SNX29: variants seen among roughly 807,000 people sequenced by gnomAD.
SNX29 encodes the protein sorting nexin-29.
A neutral mutation model predicts 102.1 loss-of-function variants in SNX29; 78 were observed. The ratio of observed to expected loss-of-function variants is 0.76; its 90% confidence interval spans 0.64 to 0.92. SNX29 has a LOEUF of 0.92. Ranked by LOEUF, SNX29 falls within the 40% of genes least tolerant of loss-of-function variation. The pLI is 0.00. For missense variants in SNX29, 1,280 were observed against 1,061.7 expected (o/e 1.21, Z -2.86); for synonymous variants, 580 against 414.5 (o/e 1.40, Z -4.85).
intron 11 of SNX29, among the ~76,000 whole-genome samples, chr16:12,095,938 C>T (rs1434306243): frequency 1.3e-5 from 2 of 152,348 alleles, no homozygotes; most frequent in East Asian, 3.9e-4. Flanking sequence ...TCTGGCTCAT[C>T]GCCTAGCAAC....
chr16:12,296,612 A>G (rs1316279960), intron 15 of SNX29, among the ~76,000 whole-genome samples: 12 of 152,232 alleles, frequency 7.9e-5, no homozygotes, highest in Non-Finnish European at 8.8e-5. Context: ...TTTATTTACC[A>G]AAACAGGCAG....
intron 14 of SNX29, among the ~76,000 whole-genome samples, chr16:12,277,354 A>AG (rs2079283998): frequency 6.6e-6 from 1 of 152,040 alleles, no homozygotes; most frequent in Admixed American, 6.6e-5. Context: ...GAGCTAAATG[A>AG]TTGATTGTGC....
At chr16:12,396,099 G>A (rs977658889) in intron 16 of SNX29, among the ~76,000 whole-genome samples, 1 of 152,176 alleles carries the variant, frequency 6.6e-6, no homozygotes, top group East Asian at 1.9e-4. Context: ...CTCTAAGTCA[G>A]AAGGATTGAA....
Position 12,481,688 on chromosome 16 carries a change from C to T in SNX29, c.2178+3829C>T, listed in dbSNP as rs138786373. 5.6e-3 allele frequency among the ~76,000 whole-genome samples: 848 copies of T among 152,136 alleles called. 13 individuals carry two copies. Among genetic ancestry groups the T allele is most frequent in the East Asian group, 0.036 (187 of 5,158 alleles). On this transcript the variant is annotated intron_variant, in intron 19 of 20. Transcript: ENST00000566228. Reference sequence around the variant, plus strand: ...TAGCTGGGACTATAGGCACCCACCACCACACTCAGCTAATTTTTGTATTTT... The same window carrying T: ...TAGCTGGGACTATAGGCACCCACCATCACACTCAGCTAATTTTTGTATTTT...
At chr16:12,216,875 C>T (rs1010926735) in intron 14 of SNX29, among the ~76,000 whole-genome samples, 2 of 152,200 alleles carry the variant, frequency 1.3e-5, no homozygotes, top group Non-Finnish European at 2.9e-5. Context: ...CTGCAGTTTG[C>T]CCACGACACT....
At chr16:12,177,607 A>AT (rs1241443919) in intron 13 of SNX29, among the ~76,000 whole-genome samples, 3 of 152,184 alleles carry the variant, frequency 2.0e-5, no homozygotes, top group Non-Finnish European at 4.4e-5. Flanking sequence ...ATTATTGTGA[A>AT]TTTTTTAATA....
chr16:12,540,018 C>G (rs1641894), intron 20 of SNX29, among the ~76,000 whole-genome samples: 1 of 152,100 alleles, frequency 6.6e-6, no homozygotes, highest in Non-Finnish European at 1.5e-5. Flanking sequence ...TTGCATGACA[C>G]CTTTTTAATT....
rs190352481 is a variant in SNX29 at position 12,568,650 on chromosome 16, C to T, written c.*21C>T. ...TCTGACCTCGACAAAACCGCAGCCA[C>T]GGGCCCTGTGCGTGGCACCAGCTGC... is the stretch of plus-strand genomic sequence containing the variant. On this transcript the variant is annotated 3_prime_UTR_variant, in exon 21 of 21. Transcript: ENST00000566228. 8.1e-4 allele frequency: 1,294 copies of T among 1,599,766 alleles called. 9 individuals carry two copies. The African/African-American group carries it at 0.015, about 18-fold the overall frequency.
intron 18 of SNX29, among the ~76,000 whole-genome samples, chr16:12,436,073 G>C (rs1340405223): frequency 6.6e-6 from 1 of 152,168 alleles, no homozygotes; most frequent in East Asian, 1.9e-4. Context: ...CACTCAATTG[G>C]GGCGCCGCAC....
chr16:12,025,486 C>T (rs1333333266), intron 3 of SNX29, among the ~76,000 whole-genome samples: 1 of 152,050 alleles, frequency 6.6e-6, no homozygotes, highest in Non-Finnish European at 1.5e-5. Flanking sequence ...TTGTGGAACA[C>T]ACATTATATA....
intron 14 of SNX29, among the ~76,000 whole-genome samples, chr16:12,268,858 A>G (rs1249861566): frequency 6.6e-6 from 1 of 152,194 alleles, no homozygotes; most frequent in Non-Finnish European, 1.5e-5. Flanking sequence ...TAATTTAGAC[A>G]GAAAACCCTA....
intron 1 of SNX29, among the ~76,000 whole-genome samples, chr16:11,989,442 G>A (rs1394167100): frequency 6.6e-6 from 1 of 152,142 alleles, no homozygotes; most frequent in Non-Finnish European, 1.5e-5. Context: ...GGCCAGCTGT[G>A]CCACTTCACC....
intron 1 of SNX29, among the ~76,000 whole-genome samples, chr16:11,985,860 T>G (rs1166907224): frequency 6.9e-6 from 1 of 145,690 alleles, no homozygotes; most frequent in African/African-American, 2.6e-5. Flanking sequence ...TGAGATAGAG[T>G]CTTGCTCTGT....
chr16:12,398,560 T>G, intron 17 of SNX29, 59 bp downstream of exon 17: 2 of 1,592,626 alleles, frequency 1.3e-6, no homozygotes, highest in Non-Finnish European at 1.7e-6. Context: ...TGTTGTTGGC[T>G]TCTGTCCCAG....
chr16:12,267,882 A>G (rs771716704), intron 14 of SNX29, among the ~76,000 whole-genome samples: 7 of 152,132 alleles, frequency 4.6e-5, no homozygotes, highest in Non-Finnish European at 1.0e-4. Flanking sequence ...ATAAAATACC[A>G]TAGCCTGCAA....
In SNX29 at chr16:12,344,573, T is replaced by C. The variant is rs530744193; in HGVS notation, c.1783-11590T>C. 4.6e-5 allele frequency among the ~76,000 whole-genome samples: 7 copies of C among 152,362 alleles called. No individual in the cohort carries two copies. In the South Asian group the frequency reaches 1.0e-3, roughly 23 times the overall value. On this transcript the variant is annotated intron_variant, in intron 15 of 20. Transcript: ENST00000566228. Reference sequence around the variant, plus strand: ...GAAAGAATCTGAGAATTTTCAGATATTGAAGATAAGTTTCTTAAGAAGGAG... The same window carrying C: ...GAAAGAATCTGAGAATTTTCAGATACTGAAGATAAGTTTCTTAAGAAGGAG...
At chr16:12,187,307 C>T (rs1165564404) in intron 13 of SNX29, among the ~76,000 whole-genome samples, 3 of 152,230 alleles carry the variant, frequency 2.0e-5, no homozygotes, top group African/African-American at 7.2e-5. Flanking sequence ...CTCCTGGAAT[C>T]CCAGCACTTT....
At chr16:12,201,745 T>G (rs2076920243) in intron 14 of SNX29, among the ~76,000 whole-genome samples, 1 of 152,248 alleles carries the variant, frequency 6.6e-6, no homozygotes, top group Non-Finnish European at 1.5e-5. Flanking sequence ...CACCACCACC[T>G]TTTGTGAAAT....
chr16:12,400,867 G>A (rs1015989952), intron 17 of SNX29, among the ~76,000 whole-genome samples: 1 of 152,284 alleles, frequency 6.6e-6, no homozygotes, highest in Non-Finnish European at 1.5e-5. Context: ...CTGTCACCCA[G>A]GTTGGAGTGC....
Sources: gnomAD v4.1 joint callset for allele counts (sites outside exome capture counted in the v4.1 genomes callset) on GRCh38, gnomAD v4.1.1 for gene constraint, MANE v1.5 for transcripts, NCBI Gene and HGNC (gene_info 2026-07-23, HGNC 2026-07-21) for gene names.